Variants in SKAP1 observed in about 807,000 individuals in gnomAD.
The protein encoded by SKAP1 is src kinase-associated phosphoprotein 1.
A neutral mutation model predicts 58.5 loss-of-function variants in SKAP1; 44 were observed. The observed-to-expected ratio is 0.75, with a 90% CI of 0.59 to 0.97. SKAP1 has a LOEUF of 0.97. Ranked by LOEUF, SKAP1 falls within the 50% of genes least tolerant of loss-of-function variation. SKAP1 has a pLI of 0.00. For missense variants in SKAP1, 390 were observed against 435.2 expected (o/e 0.90, Z 0.92); for synonymous variants, 127 against 149.7 (o/e 0.85, Z 1.11).
At chr17:48,350,346 T>C (rs768185049) in intron 3 of SKAP1, among the ~76,000 whole-genome samples, 11 of 152,206 alleles carry the variant, frequency 7.2e-5, no homozygotes, top group Non-Finnish European at 1.6e-4. Context: ...TTGTGAGCTA[T>C]ATTATAAAGA....
At chr17:48,207,403 T>C (rs966364479) in intron 4 of SKAP1, among the ~76,000 whole-genome samples, 4 of 151,392 alleles carry the variant, frequency 2.6e-5, no homozygotes, top group African/African-American at 9.7e-5. Context: ...CAAGAATTGC[T>C]TGAGCCTGGG....
intron 1 of SKAP1, among the ~76,000 whole-genome samples, chr17:48,413,523 A>AAAAAAAAAAAAAAAAAAAATAT: frequency 9.5e-6 from 1 of 105,454 alleles, no homozygotes; most frequent in Non-Finnish European, 1.9e-5. Context: ...TCAAAAAAAA[A>AAAAAAAAAAAAAAAAAAAATAT]ATATATATAT....
chr17:48,154,363 C>T (rs117676356), intron 11 of SKAP1, among the ~76,000 whole-genome samples: 484 of 152,350 alleles, frequency 3.2e-3, no homozygotes, highest in Non-Finnish European at 5.3e-3. Context: ...GTATGGCTCC[C>T]TGTTTCCACA....
rs751645756 is a variant in SKAP1, at chr17:48,346,006, C to T, written c.179G>A (p.Gly60Glu). The T allele has an allele frequency of 1.3e-6, 2 of 1,582,572 alleles. No individual in the cohort carries two copies. The highest frequency in any genetic ancestry group is 1.4e-5 in the African/African-American group (1 of 73,378). The change falls in exon 4 of 13, where the codon GGG becomes GAG. Residue 60 changes from glycine to glutamate, a missense_variant and splice_region_variant. Physicochemically the swap from Gly to Glu is moderately conservative, Grantham distance 98 (BLOSUM62 -2). Coordinates refer to ENST00000336915, the MANE Select transcript of SKAP1 (RefSeq NM_003726.4). ...AGAGCTGTCCTGTCCAATGTCTCCC[C>T]CTGAGGGACAAAAAAGACAGAAAAT... ...ARYYWDFQPQ[G>E]GDIGQDSSDD...
At chr17:48,384,789 G>A (rs749337558) in intron 2 of SKAP1, among the ~76,000 whole-genome samples, 4 of 152,220 alleles carry the variant, frequency 2.6e-5, no homozygotes, top group Admixed American at 6.5e-5. Context: ...GCTTTGTGAA[G>A]TTTGAGGAAC....
chr17:48,263,988 C>T (rs1273006041), intron 4 of SKAP1, among the ~76,000 whole-genome samples: 2 of 151,638 alleles, frequency 1.3e-5, no homozygotes, highest in African/African-American at 2.4e-5. Context: ...CTAAACCAGC[C>T]GCAACCCTTC....
chr17:48,221,765 A>C (rs574929375), intron 4 of SKAP1, among the ~76,000 whole-genome samples: 1 of 152,340 alleles, frequency 6.6e-6, no homozygotes, highest in South Asian at 2.1e-4. Context: ...AGTCTCTTTC[A>C]GTTCTGTTCT....
At chr17:48,143,381 AT>A (rs553288682) in intron 11 of SKAP1, among the ~76,000 whole-genome samples, 48 of 145,576 alleles carry the variant, frequency 3.3e-4, no homozygotes, top group Admixed American at 8.2e-4. Flanking sequence ...ATTATTTTGT[AT>A]TTTTTTTTTG....
At chr17:48,374,099 A>G (rs1296439301) in intron 2 of SKAP1, among the ~76,000 whole-genome samples, 2 of 152,078 alleles carry the variant, frequency 1.3e-5, no homozygotes, top group Non-Finnish European at 2.9e-5. Context: ...TAGTGACACA[A>G]TCTCAGCTCA....
intron 2 of SKAP1, among the ~76,000 whole-genome samples, chr17:48,381,940 T>C (rs1193932599): frequency 1.3e-5 from 2 of 152,186 alleles, no homozygotes; most frequent in East Asian, 3.8e-4. Context: ...TATGACAAGG[T>C]TGAGCCTCAA....
chr17:48,181,526 G>A (rs373841524), intron 8 of SKAP1, among the ~76,000 whole-genome samples: 1 of 152,170 alleles, frequency 6.6e-6, no homozygotes, highest in Non-Finnish European at 1.5e-5. Context: ...AGTAAAACAG[G>A]CAATTCTTGT....
intron 9 of SKAP1, among the ~76,000 whole-genome samples, chr17:48,173,601 C>G (rs1396816309): frequency 6.6e-6 from 1 of 152,208 alleles, no homozygotes; most frequent in Non-Finnish European, 1.5e-5. Flanking sequence ...GAGAGCAGCT[C>G]TTTTGTTGAT....
chr17:48,388,868 T>A (rs2067310995), intron 2 of SKAP1, among the ~76,000 whole-genome samples: 1 of 152,196 alleles, frequency 6.6e-6, no homozygotes, highest in Non-Finnish European at 1.5e-5. Context: ...TTGGTAAACG[T>A]GATAGAAGGT....
intron 1 of SKAP1, among the ~76,000 whole-genome samples, chr17:48,427,142 G>GTA: frequency 6.6e-6 from 1 of 152,150 alleles, no homozygotes; most frequent in African/African-American, 2.4e-5. Context: ...TAACAGTCTG[G>GTA]TATATATTCT....
At chr17:48,184,895 A>C in intron 6 of SKAP1, 48 bp from the exon 7 acceptor site, 1 of 1,580,776 alleles carries the variant, frequency 6.3e-7, no homozygotes, top group East Asian at 2.3e-5. Context: ...TGCAACTGCC[A>C]AGGGAAGGCA....
At chr17:48,367,536 G>GTATATACATATATGGATATATATCCATA (rs2067020344) in intron 2 of SKAP1, among the ~76,000 whole-genome samples, 1 of 135,602 alleles carries the variant, frequency 7.4e-6, no homozygotes, top group Non-Finnish European at 1.6e-5. Context: ...GTATGTGTGT[G>GTATATACATATATGGATATATATCCATA]TATATATATA....
intron 2 of SKAP1, among the ~76,000 whole-genome samples, 164 bp downstream of exon 2, chr17:48,396,512 ACACT>A (rs1416096133): frequency 6.6e-6 from 1 of 152,236 alleles, no homozygotes; most frequent in Non-Finnish European, 1.5e-5. Flanking sequence ...TTGGTAAACT[ACACT>A]AACTATGCTT....
intron 11 of SKAP1, among the ~76,000 whole-genome samples, chr17:48,160,900 T>G (rs1417686199): frequency 2.6e-5 from 4 of 152,242 alleles, no homozygotes; most frequent in Non-Finnish European, 5.9e-5. Context: ...GAAATACCAA[T>G]CAGGCCAATG....
At chr17:48,149,409 C>A (rs1248547513) in intron 11 of SKAP1, among the ~76,000 whole-genome samples, 1 of 152,092 alleles carries the variant, frequency 6.6e-6, no homozygotes, top group Non-Finnish European at 1.5e-5. Flanking sequence ...TTGCACATCA[C>A]CAAGAAAATT....
Sources: gnomAD v4.1 joint callset for allele counts (sites outside exome capture counted in the v4.1 genomes callset) on GRCh38, gnomAD v4.1.1 for gene constraint, MANE v1.5 for transcripts, NCBI Gene and HGNC (gene_info 2026-07-23, HGNC 2026-07-21) for gene names.